Variants in CSGALNACT1 observed in about 807,000 individuals in gnomAD.
CSGALNACT1 encodes chondroitin sulfate N-acetylgalactosaminyltransferase 1, also known as beta4GalNAcT-1.
In CSGALNACT1, 52 loss-of-function variants were observed where a neutral mutation model predicts 51.0. That is an observed-to-expected ratio of 1.02 (90% CI 0.82 to 1.29). The LOEUF (loss-of-function observed/expected upper bound fraction) is 1.29. CSGALNACT1 is among the 50% of genes most tolerant of loss of function. The probability of loss-of-function intolerance (pLI) is 0.00; values close to 1 mark genes in which losing one functional copy is unlikely to be tolerated. For missense variants in CSGALNACT1, 935 were observed against 679.2 expected (o/e 1.38, Z -4.19); for synonymous variants, 341 against 254.4 (o/e 1.34, Z -3.24).
At chr8:19,473,662 T>A (rs1336145753) in intron 4 of CSGALNACT1, among the ~76,000 whole-genome samples, 1 of 152,246 alleles carries the variant, frequency 6.6e-6, no homozygotes, top group African/African-American at 2.4e-5. Flanking sequence ...GCTTTGTACT[T>A]CAAGAAAAGT....
chr8:19,579,323 A>G (rs1035546328), intron 3 of CSGALNACT1, among the ~76,000 whole-genome samples: 1 of 152,134 alleles, frequency 6.6e-6, no homozygotes, highest in Non-Finnish European at 1.5e-5. Context: ...CTTTAAATGA[A>G]CCAACTTCTT....
At chr8:19,731,190 C>T (rs1252919609) in intron 1 of CSGALNACT1, among the ~76,000 whole-genome samples, 1 of 152,150 alleles carries the variant, frequency 6.6e-6, no homozygotes, top group African/African-American at 2.4e-5. Context: ...TCAAACACAG[C>T]ACCTCCAAAC....
At position 19,520,202 on chromosome 8, in the gene CSGALNACT1, C is replaced by T. The variant is rs896971304; in HGVS notation, c.-296-14072G>A. ...TTATAGAACGGGACTACAGAATGCACGTATTGTGCAGAATTATTTTAGAAA... is the reference window on the plus strand; with the variant it reads ...TTATAGAACGGGACTACAGAATGCATGTATTGTGCAGAATTATTTTAGAAA... On this transcript the variant is annotated intron_variant, in intron 3 of 9. Transcript: ENST00000454498. Among the ~76,000 whole-genome samples the T allele has an allele frequency of 2.0e-5, 3 of 152,174 alleles. No individual in the cohort carries two copies. In the East Asian group the frequency reaches 5.8e-4, roughly 29 times the overall value.
At chr8:19,547,189 G>T (rs909376762) in intron 3 of CSGALNACT1, among the ~76,000 whole-genome samples, 5 of 152,164 alleles carry the variant, frequency 3.3e-5, no homozygotes, top group African/African-American at 1.2e-4. Context: ...GCAGTGTTTT[G>T]TTAAAAGTCT....
intron 3 of CSGALNACT1, among the ~76,000 whole-genome samples, chr8:19,540,721 G>A (rs935838264): frequency 6.6e-6 from 1 of 152,104 alleles, no homozygotes. Flanking sequence ...TTCTCAATGG[G>A]TCACGCTGTC....
chr8:19,664,439 G>C (rs1045410611), intron 1 of CSGALNACT1, among the ~76,000 whole-genome samples: 1 of 152,056 alleles, frequency 6.6e-6, no homozygotes, highest in Admixed American at 6.6e-5. Flanking sequence ...ACTTCTCAAA[G>C]AACTAAAAAT....
chr8:19,563,439 T>C (rs2041230483), intron 3 of CSGALNACT1, among the ~76,000 whole-genome samples: 1 of 152,138 alleles, frequency 6.6e-6, no homozygotes. Context: ...TAAAAATTTT[T>C]TAAATAGAAA....
At chr8:19,681,946 A>G (rs1479732417) in intron 1 of CSGALNACT1, among the ~76,000 whole-genome samples, 1 of 152,100 alleles carries the variant, frequency 6.6e-6, no homozygotes, top group African/African-American at 2.4e-5. Context: ...GCCAGTGTCC[A>G]TTTTCTCAAG....
intron 4 of CSGALNACT1, among the ~76,000 whole-genome samples, chr8:19,503,082 T>C (rs768288314): frequency 3.9e-5 from 6 of 152,232 alleles, no homozygotes; most frequent in Non-Finnish European, 7.3e-5. Context: ...CTATCAAAGA[T>C]TGCCTCCACA....
At position 19,505,255 on chromosome 8, in the gene CSGALNACT1, G is replaced by A. The variant is rs772136135; in HGVS notation, c.580C>T (p.Pro194Ser). 6.2e-7 allele frequency: 1 copy of A among 1,614,114 alleles called. No homozygotes were observed. Among genetic ancestry groups the A allele is most frequent in the Non-Finnish European group, 8.5e-7 (1 of 1,180,026 alleles). The change falls in exon 4 of 10, where the codon CCT becomes TCT. Residue 194 changes from proline to serine, a missense_variant. Transcript: ENST00000454498. ...CGGTGATTGGGGCTGTTCTCTGCAG[G>A]ACTGTTCAGGGTCTCCAAGGCTGAT...
chr8:19,570,932 A>G (rs1338823648), intron 3 of CSGALNACT1, among the ~76,000 whole-genome samples: 2 of 152,106 alleles, frequency 1.3e-5, no homozygotes, highest in African/African-American at 2.4e-5. Context: ...CAAACAAACA[A>G]AAACAACAAA....
intron 1 of CSGALNACT1, among the ~76,000 whole-genome samples, chr8:19,692,455 T>A (rs1339934085): frequency 6.6e-6 from 1 of 152,216 alleles, no homozygotes. Flanking sequence ...GTGTGTTCAA[T>A]GTCTACGCTC....
chr8:19,716,090 G>C (rs1228708307), intron 1 of CSGALNACT1, among the ~76,000 whole-genome samples: 4 of 152,164 alleles, frequency 2.6e-5, no homozygotes, highest in Non-Finnish European at 5.9e-5. Context: ...CAGAAACCAA[G>C]GAAATGGCAT....
intron 6 of CSGALNACT1, among the ~76,000 whole-genome samples, chr8:19,431,851 T>C (rs910123789): frequency 6.6e-6 from 1 of 152,070 alleles, no homozygotes; most frequent in Non-Finnish European, 1.5e-5. Context: ...TTGCTTGTTA[T>C]AAGTCTAGTT....
intron 2 of CSGALNACT1, among the ~76,000 whole-genome samples, chr8:19,596,206 T>C (rs544589813): frequency 2.7e-4 from 41 of 152,160 alleles, no homozygotes; most frequent in African/African-American, 9.4e-4. Flanking sequence ...ACATTGTGGG[T>C]CAGAAACTGA....
chr8:19,527,083 A>G (rs373940562), intron 3 of CSGALNACT1, among the ~76,000 whole-genome samples: 9 of 152,220 alleles, frequency 5.9e-5, no homozygotes, highest in East Asian at 1.9e-4. Flanking sequence ...CGATATCAAG[A>G]TAAGTAAGAC....
chr8:19,707,632 G>GCAAACATAGTCAA (rs60988333), intron 1 of CSGALNACT1, among the ~76,000 whole-genome samples: 3 of 151,700 alleles, frequency 2.0e-5, no homozygotes, highest in Non-Finnish European at 4.4e-5. Context: ...AGAGCTACAC[G>GCAAACATAGTCAA]CAATGGAAGA....
intron 3 of CSGALNACT1, among the ~76,000 whole-genome samples, chr8:19,516,931 A>C (rs2079641384): frequency 6.6e-6 from 1 of 152,202 alleles, no homozygotes; most frequent in Admixed American, 6.5e-5. Context: ...TGGAATCTGC[A>C]GCCACATTTA....
chr8:19,511,794 C>A (rs2078515400), intron 3 of CSGALNACT1, among the ~76,000 whole-genome samples: 1 of 152,214 alleles, frequency 6.6e-6, no homozygotes, highest in African/African-American at 2.4e-5. Flanking sequence ...CACAGTTCCA[C>A]AGCTGTACAG....
Sources: gnomAD v4.1 joint callset for allele counts (sites outside exome capture counted in the v4.1 genomes callset) on GRCh38, gnomAD v4.1.1 for gene constraint, MANE v1.5 for transcripts, NCBI Gene and HGNC (gene_info 2026-07-23, HGNC 2026-07-21) for gene names.